The following ADAMTSL3 variants were observed in gnomAD, a reference collection of about 807,000 sequenced individuals.
ADAMTSL3 encodes the protein ADAMTS like 3, also known as ADAMTS-like protein 3.
ADAMTSL3 carries 128 observed loss-of-function variants against 201.7 expected under a neutral mutation model. The ratio of observed to expected loss-of-function variants is 0.63; its 90% CI spans 0.55 to 0.73. ADAMTSL3 has a LOEUF of 0.73. ADAMTSL3 is among the 30% of genes least tolerant of loss of function. ADAMTSL3 has a pLI of 0.00. For missense variants in ADAMTSL3, 1,990 were observed against 2,119.6 expected (o/e 0.94, Z 1.20); for synonymous variants, 738 against 748.4 (o/e 0.99, Z 0.23).
At chr15:83,838,975 C>G (rs553075863) in intron 7 of ADAMTSL3, among the ~76,000 whole-genome samples, 1 of 152,306 alleles carries the variant, frequency 6.6e-6, no homozygotes, top group Non-Finnish European at 1.5e-5. Context: ...TGGCTACATT[C>G]CAATGAAACT....
At chr15:83,881,345 G>A (rs760056426) in intron 9 of ADAMTSL3, among the ~76,000 whole-genome samples, 6 of 152,204 alleles carry the variant, frequency 3.9e-5, no homozygotes, top group Non-Finnish European at 8.8e-5. Flanking sequence ...TTGAGCTCTA[G>A]TGTTCGCTTT....
chr15:83,822,005 T>A (rs6602994), intron 6 of ADAMTSL3, among the ~76,000 whole-genome samples: 3 of 118,730 alleles, frequency 2.5e-5, no homozygotes, highest in East Asian at 5.8e-4. Context: ...GTTGCTGACC[T>A]CCCCCACCTC....
At chr15:83,822,698 C>A (rs1322853847) in intron 6 of ADAMTSL3, among the ~76,000 whole-genome samples, 1 of 150,306 alleles carries the variant, frequency 6.7e-6, no homozygotes. Context: ...AGAGACGCTC[C>A]TCACTTTCCA....
Position 83,930,758 on chromosome 15 carries a change from C to T in ADAMTSL3, c.2117+6725C>T, listed in dbSNP as rs565904144. Among the ~76,000 whole-genome samples the T allele has an allele frequency of 3.3e-5, 5 of 152,232 alleles. No homozygotes were observed. In the East Asian group the frequency reaches 9.6e-4, roughly 29 times the overall value. Reference sequence around the variant, plus strand: ...GGTTGAGAGTTATATTGGAAAAAAACCAGCAGAGACAAAGATTTGATGCCA... The same window carrying T: ...GGTTGAGAGTTATATTGGAAAAAAATCAGCAGAGACAAAGATTTGATGCCA... On this transcript the variant is annotated intron_variant, in intron 17 of 29. Coordinates refer to ENST00000286744, the MANE Select transcript of ADAMTSL3 (RefSeq NM_207517.3).
intron 6 of ADAMTSL3, among the ~76,000 whole-genome samples, chr15:83,831,183 G>C (rs1006906507): frequency 1.3e-5 from 2 of 151,990 alleles, no homozygotes; most frequent in African/African-American, 2.4e-5. Flanking sequence ...CTTTCATAAG[G>C]ACACCTTCCT....
intron 13 of ADAMTSL3, among the ~76,000 whole-genome samples, chr15:83,895,593 C>T (rs990094072): frequency 3.9e-5 from 6 of 152,168 alleles, no homozygotes; most frequent in Non-Finnish European, 7.3e-5. Flanking sequence ...CAGAGGAGTT[C>T]TGGAACCGTT....
At chr15:83,888,740 A>G (rs1327527564) in intron 10 of ADAMTSL3, among the ~76,000 whole-genome samples, 1 of 152,204 alleles carries the variant, frequency 6.6e-6, no homozygotes, top group East Asian at 1.9e-4. Context: ...GCACCCAAGT[A>G]ACATTTTATT....
chr15:84,006,221 A>G (rs2067891728), intron 23 of ADAMTSL3, among the ~76,000 whole-genome samples: 1 of 152,206 alleles, frequency 6.6e-6, no homozygotes, highest in East Asian at 1.9e-4. Flanking sequence ...CCTGTGTTTG[A>G]TTTGCCTTTT....
At chr15:83,775,947 A>G (rs149777527) in intron 4 of ADAMTSL3, among the ~76,000 whole-genome samples, 29 of 152,288 alleles carry the variant, frequency 1.9e-4, no homozygotes, top group Non-Finnish European at 4.1e-4. Context: ...GCACTCATGC[A>G]CGTGCCCACA....
intron 23 of ADAMTSL3, among the ~76,000 whole-genome samples, chr15:84,002,684 T>C (rs997118433): frequency 1.3e-5 from 2 of 152,036 alleles, no homozygotes; most frequent in East Asian, 3.9e-4. Flanking sequence ...CCCTACCTGT[T>C]CCCCGTCCCC....
intron 7 of ADAMTSL3, among the ~76,000 whole-genome samples, chr15:83,853,489 C>T (rs1182197323): frequency 6.6e-6 from 1 of 152,086 alleles, no homozygotes; most frequent in African/African-American, 2.4e-5. Context: ...CAAACATTTA[C>T]TTTATTTTAT....
chr15:83,917,615 C>T (rs1045818571), intron 16 of ADAMTSL3, among the ~76,000 whole-genome samples: 8 of 152,112 alleles, frequency 5.3e-5, no homozygotes, highest in South Asian at 4.1e-4. Context: ...CATTCCTTAC[C>T]GAAGTTCTTC....
chr15:83,832,419 AAGCCAGTTCTTTGGGTGAT>A (rs1248227927), intron 6 of ADAMTSL3, among the ~76,000 whole-genome samples: 1 of 152,220 alleles, frequency 6.6e-6, no homozygotes, highest in Non-Finnish European at 1.5e-5. Flanking sequence ...GCTACTGAGT[AAGCCAGTTCTTTGGGTGAT>A]GAGGAGTGAT....
rs1229426656 is a variant in ADAMTSL3 at position 83,785,989 on chromosome 15, G to A, written c.317+12339G>A. On this transcript the variant is annotated intron_variant, in intron 4 of 29. Coordinates refer to ENST00000286744, the MANE Select transcript of ADAMTSL3 (RefSeq NM_207517.3). ...CTCCCACGTAACTGCAGTTACAGAC[G>A]TGTGCCACCACACCTGGCTGATTTT... Among the ~76,000 whole-genome samples, 4 of 151,914 alleles carry A rather than the reference G, an allele frequency of 2.6e-5. No homozygotes were observed. The East Asian group carries it at 5.8e-4, about 22-fold the overall frequency.
At chr15:83,715,543 T>A (rs1296317121) in intron 3 of ADAMTSL3, among the ~76,000 whole-genome samples, 1 of 152,224 alleles carries the variant, frequency 6.6e-6, no homozygotes, top group African/African-American at 2.4e-5. Context: ...TTTCCTCCTT[T>A]GTCTTTTCCA....
intron 5 of ADAMTSL3, among the ~76,000 whole-genome samples, chr15:83,812,290 C>T (rs997626106): frequency 1.3e-5 from 2 of 152,188 alleles, no homozygotes; most frequent in Non-Finnish European, 2.9e-5. Flanking sequence ...TGTTACTTCT[C>T]ACTGCCTTCC....
In ADAMTSL3 at chr15:83,680,286, C is replaced by G. The variant is rs544828358; in HGVS notation, c.70-24103C>G. Among the ~76,000 whole-genome samples, 3 of 152,174 alleles carry G rather than the reference C, an allele frequency of 2.0e-5. No individual in the cohort carries two copies. The East Asian group carries it at 5.8e-4, about 29-fold the overall frequency. On this transcript the variant is annotated intron_variant, in intron 2 of 29. Coordinates refer to ENST00000286744, the MANE Select transcript of ADAMTSL3 (RefSeq NM_207517.3). ...ATATTGTTCCTTAAGTTCTGAGGTT[C>G]CTAGCCAGTCTTTTCTCTTCTTTTT...
chr15:84,004,962 T>C (rs527518521), intron 23 of ADAMTSL3, among the ~76,000 whole-genome samples: 38 of 152,320 alleles, frequency 2.5e-4, no homozygotes, highest in Admixed American at 1.3e-3. Context: ...TTGAAAAGGC[T>C]TTTGTGCTTT....
chr15:83,799,313 A>C (rs1256994027), intron 4 of ADAMTSL3, among the ~76,000 whole-genome samples: 2 of 152,090 alleles, frequency 1.3e-5, no homozygotes, highest in South Asian at 2.1e-4. Context: ...GAAAATAGCA[A>C]ATGTAGCTAT....
Sources: allele counts gnomAD v4.1 joint callset (sites outside exome capture counted in the v4.1 genomes callset), GRCh38; gene constraint gnomAD v4.1.1; transcripts MANE v1.5; gene names NCBI Gene and HGNC (gene_info 2026-07-23, HGNC 2026-07-21).